The following BZW1 variants were observed in gnomAD, a reference collection of about 807,000 sequenced individuals.
The protein encoded by BZW1 is basic leucine zipper and W2 domains 1, also known as eIF5-mimic protein 2.
In BZW1, 3 loss-of-function variants were observed where a neutral mutation model predicts 54.1. The ratio of observed to expected loss-of-function variants is 0.06; its 90% CI spans 0.03 to 0.14. The LOEUF (loss-of-function observed/expected upper bound fraction) is 0.14. Among genes scored for constraint, BZW1 ranks in the 10% least tolerant of loss-of-function variants. The pLI, the probability that BZW1 is intolerant of heterozygous loss-of-function variation, is 1.00. For synonymous variants in BZW1, 152 were observed against 162.7 expected (o/e 0.93, Z 0.50); for missense variants, 206 against 491.7 (o/e 0.42, Z 5.50).
intron 2 of BZW1, among the ~76,000 whole-genome samples, chr2:200,814,281 T>G (rs575983652): frequency 6.6e-6 from 1 of 152,208 alleles, no homozygotes; most frequent in East Asian, 1.9e-4. Flanking sequence ...CAGGGAGAGA[T>G]GTAACTTCCC....
chr2:200,818,415 C>A, intron 8 of BZW1, 22 bp downstream of exon 8: 1 of 1,592,380 alleles, frequency 6.3e-7, no homozygotes, highest in South Asian at 1.2e-5. Context: ...TTTAAACCGT[C>A]TTTTTATGGC....
intron 5 of BZW1, among the ~76,000 whole-genome samples, 182 bp downstream of exon 5, chr2:200,816,572 G>C (rs1290269356): frequency 6.6e-6 from 1 of 152,126 alleles, no homozygotes; most frequent in African/African-American, 2.4e-5. Flanking sequence ...GCTCACTGCA[G>C]CCTTTGCCTC....
Position 200,813,214 on chromosome 2 carries a change from T to G in BZW1, c.-4T>G. 6.2e-7 allele frequency: 1 copy of G among 1,613,148 alleles called. No individual in the cohort carries two copies. The highest frequency in any genetic ancestry group is 1.1e-5 in the South Asian group (1 of 91,054). ...TTTATTTCTCCTTTCCTAGGGTGTC[T>G]TTTATGAATAATCAAAAGCAGCAAA... On this transcript the variant is annotated 5_prime_UTR_variant, in exon 2 of 12. Transcript: ENST00000409600.
chr2:200,817,952 A>G, intron 6 of BZW1, 22 bp from the exon 7 acceptor site: 3 of 1,502,228 alleles, frequency 2.0e-6, no homozygotes, highest in Non-Finnish European at 2.7e-6. Context: ...ACTTCTGTTA[A>G]TTAAGCTATT....
rs2038285939 is a variant in BZW1 at position 200,816,258 on chromosome 2, A to G, written c.337-67A>G. The G allele has an allele frequency of 3.4e-6, 4 of 1,181,016 alleles. No individual in the cohort carries two copies. In the South Asian group the frequency reaches 4.6e-5, roughly 14 times the overall value. 73.2% of individuals were successfully genotyped at this position (1,181,016 alleles called of 1,614,324 possible). ...GCAGCTCATAAACTTACATCGAGTG[A>G]AAGGTTTACTACTTTGCTATTCTAG... On this transcript the variant is annotated intron_variant, in intron 4 of 11. Coordinates refer to ENST00000409600, the MANE Select transcript of BZW1 (RefSeq NM_001207067.2).
intron 2 of BZW1, 24 bp downstream of exon 2, chr2:200,813,305 T>C (rs1333790762): frequency 6.3e-7 from 1 of 1,586,674 alleles, no homozygotes; most frequent in Non-Finnish European, 8.6e-7. Flanking sequence ...TTTTAATGTC[T>C]CTCTTCAAAC....
At position 200,812,592 on chromosome 2, in the gene BZW1, G is replaced by T. The variant is rs560229990; in HGVS notation, c.-11+602G>T. ...GATCTGTGGCTCGGGCGGGAGGCAT[G>T]GGAAGGGTGTGGATTGGGAGACACG... On this transcript the variant is annotated intron_variant, in intron 1 of 11. Transcript: ENST00000409600. 37 of 1,397,552 alleles carry T rather than the reference G, an allele frequency of 2.6e-5. No homozygotes were observed. In the African/African-American group the frequency reaches 4.6e-4, roughly 18 times the overall value. The allele number at this position is 1,397,552 out of a possible 1,614,324, so 86.6% of individuals were successfully genotyped here.
chr2:200,826,463 C>T lies in BZW1; in HGVS notation c.*4285C>T, dbSNP rs1005403216. On this transcript the variant is annotated 3_prime_UTR_variant, in exon 12 of 12. Coordinates refer to ENST00000409600, the MANE Select transcript of BZW1 (RefSeq NM_001207067.2). ...TTTTTGAGACAGAGTCTCGCTCTGT[C>T]GCCCAGGCGGGAGTGCAGTGGCACA... 5 of 118,472 alleles carry T rather than the reference C, an allele frequency of 4.2e-5. No homozygotes were observed. The highest frequency in any genetic ancestry group is 9.7e-5 in the African/African-American group (3 of 30,782). 7.3% of individuals were successfully genotyped at this position (118,472 alleles called of 1,614,324 possible).
At chr2:200,816,765 G>GGT (rs1462091166) in intron 5 of BZW1, among the ~76,000 whole-genome samples, 1 of 152,174 alleles carries the variant, frequency 6.6e-6, no homozygotes, top group African/African-American at 2.4e-5. Flanking sequence ...TGGGGTTATA[G>GGT]GTGTGAGCCA....
intron 9 of BZW1, among the ~76,000 whole-genome samples, chr2:200,819,496 T>A (rs1425010078): frequency 6.6e-6 from 1 of 152,184 alleles, no homozygotes; most frequent in Non-Finnish European, 1.5e-5. Flanking sequence ...ATACTAATAT[T>A]GTTTGACATT....
intron 2 of BZW1, among the ~76,000 whole-genome samples, chr2:200,814,831 G>A (rs1047104249): frequency 6.6e-6 from 1 of 152,178 alleles, no homozygotes; most frequent in African/African-American, 2.4e-5. Context: ...GGAAAAATCT[G>A]CCTCACAAGG....
At chr2:200,815,247 C>G (rs964527215) in intron 2 of BZW1, 94 bp from the exon 3 acceptor site, 1 of 1,268,910 alleles carries the variant, frequency 7.9e-7, no homozygotes, top group East Asian at 2.4e-5. Flanking sequence ...TTTAATCTAA[C>G]TTATTTAACA....
intron 9 of BZW1, 92 bp downstream of exon 9, chr2:200,818,993 C>A: frequency 7.1e-7 from 1 of 1,407,288 alleles, no homozygotes; most frequent in Non-Finnish European, 9.4e-7. Flanking sequence ...GGATTTATCA[C>A]ATCCTGTGGT....
rs1296412290 is a variant in BZW1, at chr2:200,825,723, G to A, written c.*3545G>A. The A allele has an allele frequency of 6.6e-6, 1 of 152,216 alleles. No individual in the cohort carries two copies. Among genetic ancestry groups the A allele is most frequent in the African/African-American group, 2.4e-5 (1 of 41,458 alleles). 9.4% of individuals were successfully genotyped at this position (152,216 alleles called of 1,614,324 possible). ...AAATCCTCTAGATGAATGAATTAAAGTTGTAGGCATAACACTGATAAACCT... is the reference window on the plus strand; with the variant it reads ...AAATCCTCTAGATGAATGAATTAAAATTGTAGGCATAACACTGATAAACCT... On this transcript the variant is annotated 3_prime_UTR_variant, in exon 12 of 12. Coordinates refer to ENST00000409600, the MANE Select transcript of BZW1 (RefSeq NM_001207067.2).
chr2:200,819,837 A>G (rs191501014), intron 9 of BZW1, 145 bp from the exon 10 acceptor site: 5 of 800,218 alleles, frequency 6.2e-6, no homozygotes, highest in South Asian at 8.5e-5. Context: ...TGCCCAGCCT[A>G]TTTTTTAAAT....
chr2:200,819,965 C>T lies in BZW1; in HGVS notation c.967-17C>T. 1 of 1,480,018 alleles carries T rather than the reference C, an allele frequency of 6.8e-7. No homozygotes were observed. The highest frequency in any genetic ancestry group is 9.0e-7 in the Non-Finnish European group (1 of 1,113,218). 91.7% of individuals were successfully genotyped at this position (1,480,018 alleles called of 1,614,324 possible). A position where few individuals can be genotyped will look rare whatever the true frequency, so the allele number is the denominator to read the frequency against. ...TTTGTAATGAATGACTAAATCTTTT[C>T]TCTGTTCCTTTAAAAGCAATACAGC... On this transcript the variant is annotated splice_polypyrimidine_tract_variant and intron_variant, in intron 9 of 11. Coordinates refer to ENST00000409600, the MANE Select transcript of BZW1 (RefSeq NM_001207067.2).
intron 1 of BZW1, chr2:200,812,620 A>C: frequency 5.3e-6 from 7 of 1,325,462 alleles, no homozygotes; most frequent in Non-Finnish European, 7.0e-6. Flanking sequence ...GAGACACGTT[A>C]CCGGGGAGGA....
rs1273557913 is a variant in BZW1, at chr2:200,822,305, AT to A, written c.*131del. 1.4e-6 allele frequency: 1 copy of A among 738,190 alleles called. No individual in the cohort carries two copies. Among genetic ancestry groups the A allele is most frequent in the East Asian group, 2.9e-5 (1 of 34,234 alleles). 45.7% of individuals were successfully genotyped at this position (738,190 alleles called of 1,614,324 possible). A position where few individuals can be genotyped will look rare whatever the true frequency, so the allele number is the denominator to read the frequency against. On this transcript the variant is annotated 3_prime_UTR_variant, in exon 12 of 12. Coordinates refer to ENST00000409600, the MANE Select transcript of BZW1 (RefSeq NM_001207067.2). ...CATGATATAAGGGCTTTCATGGCAAATTTTATTTTAACTGTTTCTATGGTTG... is the reference window on the plus strand; with the variant it reads ...CATGATATAAGGGCTTTCATGGCAAATTTATTTTAACTGTTTCTATGGTTG...
chr2:200,826,422 T>TGATAGATAGATAGATAGATAGATAGA lies in BZW1; in HGVS notation c.*4244_*4245insGATAGATAGATAGATAGATAGATAGA, dbSNP rs1559318464. ...ATAGATAGATATTTTTTTTTTTTTT[T>TGATAGATAGATAGATAGATAGATAGA]TTTTTTTTTTTTTTTTTTTTGAGAC... On this transcript the variant is annotated 3_prime_UTR_variant, in exon 12 of 12. Transcript: ENST00000409600. 2.0e-5 allele frequency: 2 copies of TGATAGATAGATAGATAGATAGATAGA among 99,786 alleles called. No homozygotes were observed. The highest frequency in any genetic ancestry group is 4.5e-5 in the Non-Finnish European group (2 of 44,500). The allele number at this position is 99,786 out of a possible 1,614,324, so 6.2% of individuals were successfully genotyped here. A position where few individuals can be genotyped will look rare whatever the true frequency, so the allele number is the denominator to read the frequency against.
Sources: gnomAD v4.1 joint callset for allele counts (sites outside exome capture counted in the v4.1 genomes callset) on GRCh38, gnomAD v4.1.1 for gene constraint, MANE v1.5 for transcripts, NCBI Gene and HGNC (gene_info 2026-07-23, HGNC 2026-07-21) for gene names.